ETS1: variants seen among roughly 807,000 people sequenced by gnomAD.
ETS1 encodes the protein protein C-ets-1.
Under a neutral mutation model 58.6 loss-of-function variants are expected in ETS1, and 15 were observed. That is an observed-to-expected ratio of 0.26 (90% CI 0.17 to 0.39). The LOEUF (loss-of-function observed/expected upper bound fraction) is 0.39. ETS1 is among the 10% of genes least tolerant of loss of function. The pLI is 1.00. For missense variants in ETS1, 417 were observed against 610.5 expected, an observed-to-expected ratio of 0.68 and a Z score of 3.34; for synonymous variants, 214 against 218.2, an observed-to-expected ratio of 0.98 and a Z score of 0.17.
intron 1 of ETS1, among the ~76,000 whole-genome samples, chr11:128,583,606 C>T (rs1355832491): frequency 4.6e-5 from 7 of 152,072 alleles, no homozygotes; most frequent in Non-Finnish European, 1.0e-4. Context: ...TTTTATGCAT[C>T]TGGAATTATT....
intron 3 of ETS1, among the ~76,000 whole-genome samples, chr11:128,510,069 A>G (rs7951925): frequency 0.41 from 62,032 of 152,028 alleles, 13,163 homozygotes; most frequent in East Asian, 0.65. Context: ...GGTTTCCATT[A>G]GGAGGCAAGG....
intron 3 of ETS1, among the ~76,000 whole-genome samples, chr11:128,535,791 C>T (rs1205931522): frequency 1.3e-5 from 2 of 152,164 alleles, no homozygotes; most frequent in African/African-American, 4.8e-5. Context: ...TTGTGTCTTT[C>T]TAATATTCAT....
intron 2 of ETS1, chr11:128,572,234 C>A (rs541184257): frequency 6.7e-6 from 1 of 149,982 alleles, no homozygotes; most frequent in Non-Finnish European, 1.5e-5. Flanking sequence ...GATTGTGCCA[C>A]TGCACTCCAG....
At chr11:128,569,318 CTTTTTTTTTTTT>C (rs398018017) in intron 2 of ETS1, among the ~76,000 whole-genome samples, 2,782 of 39,566 alleles carry the variant, frequency 0.07, 306 homozygotes, top group Non-Finnish European at 0.081. Flanking sequence ...AGAGTTTCTT[CTTTTTTTTTTTT>C]TTTTTTTTTT....
intron 8 of ETS1, among the ~76,000 whole-genome samples, chr11:128,469,878 A>T (rs1862138317): frequency 6.6e-6 from 1 of 152,210 alleles, no homozygotes; most frequent in Non-Finnish European, 1.5e-5. Context: ...AACACACTCC[A>T]TGTATAACAT....
At chr11:128,542,267 G>A (rs916600280) in intron 3 of ETS1, among the ~76,000 whole-genome samples, 53 of 152,170 alleles carry the variant, frequency 3.5e-4, no homozygotes, top group Non-Finnish European at 5.7e-4. Flanking sequence ...ATTCTTTGAT[G>A]AGGTCTATGA....
chr11:128,578,682 A>G (rs549226570), intron 1 of ETS1, among the ~76,000 whole-genome samples: 14 of 152,308 alleles, frequency 9.2e-5, no homozygotes, highest in African/African-American at 3.4e-4. Flanking sequence ...GATGTCACAC[A>G]CACACACGTG....
Position 128,460,535 on chromosome 11 carries a change from C to G in ETS1, c.*1826G>C, listed in dbSNP as rs1236597047. 6.6e-6 allele frequency: 1 copy of G among 152,360 alleles called. No homozygotes were observed. The highest frequency in any genetic ancestry group is 2.4e-5 in the African/African-American group (1 of 41,448). 9.4% of individuals were successfully genotyped at this position (152,360 alleles called of 1,614,324 possible). On this transcript the variant is annotated 3_prime_UTR_variant, in exon 10 of 10. Transcript: ENST00000392668. ...ACCTGAAATATTTCTTTCCTTCTCTCATGGAAGTCCATAAAAGCCACCCCT... is the reference window on the plus strand; with the variant it reads ...ACCTGAAATATTTCTTTCCTTCTCTGATGGAAGTCCATAAAAGCCACCCCT...
intron 5 of ETS1, among the ~76,000 whole-genome samples, chr11:128,488,816 T>G (rs529866364): frequency 1.8e-4 from 27 of 152,238 alleles, no homozygotes; most frequent in African/African-American, 6.5e-4. Context: ...CCAATTCAGT[T>G]AGTGGGCAGA....
chr11:128,548,937 T>C (rs1864182280), intron 3 of ETS1, among the ~76,000 whole-genome samples: 1 of 152,122 alleles, frequency 6.6e-6, no homozygotes, highest in African/African-American at 2.4e-5. Context: ...GTTTACTCTC[T>C]GAAATAAAAA....
chr11:128,473,057 C>T (rs1393550047), intron 8 of ETS1, among the ~76,000 whole-genome samples: 1 of 152,160 alleles, frequency 6.6e-6, no homozygotes, highest in Admixed American at 6.5e-5. Context: ...TCGATTCCCT[C>T]ATTTATACAA....
At chr11:128,476,317 A>G (rs1246404176) in intron 8 of ETS1, among the ~76,000 whole-genome samples, 1 of 152,248 alleles carries the variant, frequency 6.6e-6, no homozygotes, top group African/African-American at 2.4e-5. Flanking sequence ...ACATGCATAT[A>G]GTGTTCATTA....
Position 128,526,557 on chromosome 11 carries a change from A to G in ETS1, c.214+29734T>C, listed in dbSNP as rs117289257. ...GCCATCTCTTTGCAGAATAGCTTGG[A>G]TGCTCAATTTTCCTGAACGATCTCC... On this transcript the variant is annotated intron_variant, in intron 3 of 9. Transcript: ENST00000392668. The G allele has an allele frequency of 1.8e-3, 417 of 234,842 alleles. 1 individual carries two copies. The highest frequency in any genetic ancestry group is 2.7e-3 in the Non-Finnish European group (318 of 117,336). The allele number at this position is 234,842 out of a possible 1,614,324, so 14.5% of individuals were successfully genotyped here.
intron 1 of ETS1, among the ~76,000 whole-genome samples, chr11:128,585,714 C>T (rs1467693053): frequency 6.6e-6 from 1 of 152,186 alleles, no homozygotes; most frequent in Non-Finnish European, 1.5e-5. Flanking sequence ...TACTTCTATT[C>T]TCTCATATTT....
At chr11:128,556,242 A>G in intron 3 of ETS1, 49 bp downstream of exon 3, 3 of 1,520,340 alleles carry the variant, frequency 2.0e-6, no homozygotes, top group African/African-American at 1.4e-5. Context: ...TCACATTTCC[A>G]TTGTCCTTCA....
chr11:128,465,765 G>A lies in ETS1; in HGVS notation c.1124-2138C>T, dbSNP rs532856794. Reference sequence around the variant, plus strand: ...TGCTTGACGGTGCACCTACTACGCCGCAGACACTGTGAGTGACGCTCTACA... The same window carrying A: ...TGCTTGACGGTGCACCTACTACGCCACAGACACTGTGAGTGACGCTCTACA... On this transcript the variant is annotated intron_variant, in intron 8 of 9. Transcript: ENST00000392668. 2.6e-5 allele frequency among the ~76,000 whole-genome samples: 4 copies of A among 151,514 alleles called. No individual in the cohort carries two copies. The East Asian group carries it at 7.8e-4, about 30-fold the overall frequency.
chr11:128,561,306 G>C (rs1270498831), intron 2 of ETS1, among the ~76,000 whole-genome samples: 1 of 152,264 alleles, frequency 6.6e-6, no homozygotes. Context: ...ATGGTGCTGA[G>C]TAGGACAGAC....
intron 5 of ETS1, among the ~76,000 whole-genome samples, chr11:128,488,060 G>T (rs1035190188): frequency 3.3e-5 from 5 of 152,142 alleles, no homozygotes; most frequent in African/African-American, 1.2e-4. Context: ...GAATATACTG[G>T]GTTACACAGT....
At chr11:128,567,142 A>G (rs1044731768) in intron 2 of ETS1, among the ~76,000 whole-genome samples, 8 of 152,206 alleles carry the variant, frequency 5.3e-5, no homozygotes, top group Non-Finnish European at 1.2e-4. Flanking sequence ...TCTGCAATGC[A>G]CTTAGCTAAG....
Sources: allele counts gnomAD v4.1 joint callset (sites outside exome capture counted in the v4.1 genomes callset), GRCh38; gene constraint gnomAD v4.1.1; transcripts MANE v1.5; gene names NCBI Gene and HGNC (gene_info 2026-07-23, HGNC 2026-07-21).